Variants in RFX8 observed in about 807,000 individuals in gnomAD.
RFX8 encodes DNA-binding protein RFX8.
Under a neutral mutation model 54.6 loss-of-function variants are expected in RFX8, and 46 were observed. The ratio of observed to expected loss-of-function variants is 0.84; its 90% CI spans 0.67 to 1.08. RFX8 has a LOEUF of 1.08. Ranked by LOEUF, RFX8 falls within the 50% of genes least tolerant of loss-of-function variation. The pLI, the probability that RFX8 is intolerant of heterozygous loss-of-function variation, is 0.00. For synonymous variants in RFX8, 192 were observed against 209.5 expected, an observed-to-expected ratio of 0.92 and a Z score of 0.72; for missense variants, 536 against 562.3, an observed-to-expected ratio of 0.95 and a Z score of 0.47.
intron 1 of RFX8, among the ~76,000 whole-genome samples, chr2:101,472,545 A>C (rs1690066086): frequency 6.6e-6 from 1 of 152,014 alleles, no homozygotes; most frequent in African/African-American, 2.4e-5. Flanking sequence ...AGGAACTTGT[A>C]ATATGGGACT....
intron 11 of RFX8, among the ~76,000 whole-genome samples, chr2:101,400,509 G>A (rs1685367541): frequency 1.3e-5 from 2 of 151,986 alleles, no homozygotes; most frequent in African/African-American, 4.8e-5. Context: ...TGGCTCCTAG[G>A]CTATAAATTC....
chr2:101,467,630 A>G (rs1296318826), intron 1 of RFX8, among the ~76,000 whole-genome samples: 3 of 152,210 alleles, frequency 2.0e-5, no homozygotes, highest in Admixed American at 6.5e-5. Flanking sequence ...CCTCTGCTCA[A>G]AGTGGGACCT....
At chr2:101,459,404 A>C (rs1689150034) in intron 2 of RFX8, among the ~76,000 whole-genome samples, 1 of 151,880 alleles carries the variant, frequency 6.6e-6, no homozygotes, top group African/African-American at 2.4e-5. Flanking sequence ...TTTGGTGTGG[A>C]TGTCCTTTTT....
At chr2:101,460,465 G>A (rs1573477368) in intron 2 of RFX8, among the ~76,000 whole-genome samples, 1 of 152,194 alleles carries the variant, frequency 6.6e-6, no homozygotes. Flanking sequence ...ATGCTATCTT[G>A]TTTATCAGCA....
rs1461919769 is a variant in RFX8, at chr2:101,439,228, ATTGT to A, written c.73-16760_73-16757del. Among the ~76,000 whole-genome samples, 16 of 151,928 alleles carry A rather than the reference ATTGT, an allele frequency of 1.1e-4. No individual in the cohort carries two copies. In the South Asian group the frequency reaches 1.5e-3, roughly 14 times the overall value. ...TGTCTTTTGCCCATTTTCTAATTGG[ATTGT>A]TTGTTTCTTTTACTGTTGACTTTTG... On this transcript the variant is annotated intron_variant, in intron 2 of 11. Coordinates refer to ENST00000428343, the MANE Select transcript of RFX8 (RefSeq NM_001145664.2).
chr2:101,426,874 C>A, intron 2 of RFX8, among the ~76,000 whole-genome samples: 1 of 152,154 alleles, frequency 6.6e-6, no homozygotes, highest in East Asian at 1.9e-4. Context: ...GAATTATCAC[C>A]CCCCAAAGCA....
rs768283538 is a variant in RFX8, at chr2:101,418,959, C to T, written c.243G>A (p.Glu81=). 6.5e-7 allele frequency: 1 copy of T among 1,538,430 alleles called. No homozygotes were observed. The highest frequency in any genetic ancestry group is 1.2e-5 in the South Asian group (1 of 83,728). ...ACTTCCAGAAGGAAGTAAGCAAGTCCTCCACCTGGGGTAAGTAACAGAGCA... is the reference window on the plus strand; with the variant it reads ...ACTTCCAGAAGGAAGTAAGCAAGTCTTCCACCTGGGGTAAGTAACAGAGCA... ...NYCRDILRNV[E]DLLTSFWKSL... The change falls in exon 5 of 12, where the codon GAG becomes GAA. Residue 81 remains glutamate (E), a synonymous_variant. Transcript: ENST00000428343.
At chr2:101,454,497 A>C (rs1459184867) in intron 2 of RFX8, among the ~76,000 whole-genome samples, 2 of 152,204 alleles carry the variant, frequency 1.3e-5, no homozygotes, top group East Asian at 3.8e-4. Flanking sequence ...GGTTGAACTA[A>C]TATACACTCC....
intron 1 of RFX8, among the ~76,000 whole-genome samples, chr2:101,472,750 G>C (rs1690081122): frequency 6.6e-6 from 1 of 152,168 alleles, no homozygotes; most frequent in South Asian, 2.1e-4. Context: ...CAGCGTGGTG[G>C]CTCACACCTG....
chr2:101,443,550 C>T (rs1239725553), intron 2 of RFX8, among the ~76,000 whole-genome samples: 1 of 151,998 alleles, frequency 6.6e-6, no homozygotes, highest in Non-Finnish European at 1.5e-5. Flanking sequence ...TCTAATACAA[C>T]TACATATTTG....
intron 2 of RFX8, among the ~76,000 whole-genome samples, chr2:101,429,785 A>C (rs565700805): frequency 6.6e-6 from 1 of 152,338 alleles, no homozygotes; most frequent in African/African-American, 2.4e-5. Context: ...AAAAAAGAGA[A>C]GAGGAAGCCA....
At chr2:101,436,293 T>C (rs1687779268) in intron 2 of RFX8, among the ~76,000 whole-genome samples, 1 of 152,180 alleles carries the variant, frequency 6.6e-6, no homozygotes, top group East Asian at 1.9e-4. Flanking sequence ...TTTGCTACAA[T>C]CCTGGTTCAT....
chr2:101,448,669 G>A (rs562343457), intron 2 of RFX8, among the ~76,000 whole-genome samples: 43 of 152,192 alleles, frequency 2.8e-4, no homozygotes, highest in Non-Finnish European at 5.4e-4. Flanking sequence ...AAGGGTCCCT[G>A]TCTTACCCAT....
At chr2:101,432,847 C>T (rs1361725935) in intron 2 of RFX8, among the ~76,000 whole-genome samples, 6 of 152,150 alleles carry the variant, frequency 3.9e-5, no homozygotes, top group East Asian at 1.9e-4. Context: ...GCCAAATCAC[C>T]GAGTTAGAGA....
At position 101,417,703 on chromosome 2, in the gene RFX8, G is replaced by A; in HGVS notation, c.352-19C>T. On this transcript the variant is annotated intron_variant, in intron 5 of 11. Coordinates refer to ENST00000428343, the MANE Select transcript of RFX8 (RefSeq NM_001145664.2). ...CAATTCCCTACAACAAAAGTAACAA[G>A]ACACTATGATTCTGCTGATGGTGCA... 6.5e-7 allele frequency: 1 copy of A among 1,538,934 alleles called. No individual in the cohort carries two copies. The highest frequency in any genetic ancestry group is 8.8e-7 in the Non-Finnish European group (1 of 1,140,166).
chr2:101,469,857 C>A (rs1390063810), intron 1 of RFX8, among the ~76,000 whole-genome samples: 1 of 152,114 alleles, frequency 6.6e-6, no homozygotes. Context: ...GCCAAGAGTC[C>A]TTTCTATGCC....
At chr2:101,406,340 T>C (rs558374090) in intron 9 of RFX8, among the ~76,000 whole-genome samples, 1 of 138,648 alleles carries the variant, frequency 7.2e-6, no homozygotes, top group South Asian at 2.2e-4. Context: ...AAAAAGCAAA[T>C]TTTTTTTTTT....
intron 9 of RFX8, among the ~76,000 whole-genome samples, chr2:101,408,248 G>A (rs370538580): frequency 3.2e-4 from 49 of 152,256 alleles, no homozygotes; most frequent in African/African-American, 1.2e-3. Flanking sequence ...CACTTTGGGA[G>A]GCTGAGGCGG....
chr2:101,467,469 T>C (rs144673335), intron 1 of RFX8, among the ~76,000 whole-genome samples: 52 of 152,260 alleles, frequency 3.4e-4, no homozygotes, highest in African/African-American at 1.3e-3. Flanking sequence ...TTTGGATTCT[T>C]TGAATTGCAA....
Sources: allele counts gnomAD v4.1 joint callset (sites outside exome capture counted in the v4.1 genomes callset), GRCh38; gene constraint gnomAD v4.1.1; transcripts MANE v1.5; gene names NCBI Gene and HGNC (gene_info 2026-07-23, HGNC 2026-07-21).